SLC39A14: variants seen among roughly 807,000 people sequenced by gnomAD.
SLC39A14 encodes solute carrier family 39 member 14.
A neutral mutation model predicts 45.5 loss-of-function variants in SLC39A14; 19 were observed. The observed-to-expected ratio is 0.42, with a 90% CI of 0.29 to 0.61. SLC39A14 has a LOEUF of 0.61. Among genes scored for constraint, SLC39A14 ranks in the 20% least tolerant of loss-of-function variants. The pLI, the probability that SLC39A14 is intolerant of heterozygous loss-of-function variation, is 0.22. For missense variants in SLC39A14, 447 were observed against 616.5 expected, an observed-to-expected ratio of 0.73 and a Z score of 2.91; for synonymous variants, 264 against 251.3, an observed-to-expected ratio of 1.05 and a Z score of -0.48.
intron 1 of SLC39A14, among the ~76,000 whole-genome samples, chr8:22,378,248 G>A (rs1833317637): frequency 6.6e-6 from 1 of 152,178 alleles, no homozygotes; most frequent in South Asian, 2.1e-4. Context: ...TATCAGAGCA[G>A]GCAAGTGTGT....
intron 4 of SLC39A14, among the ~76,000 whole-genome samples, chr8:22,413,899 C>T (rs1358475214): frequency 5.9e-5 from 9 of 152,148 alleles, no homozygotes; most frequent in East Asian, 1.9e-4. Context: ...CTCACACTCC[C>T]GAGTAGCTGG....
rs1015060674 is a variant in SLC39A14 at position 22,419,850 on chromosome 8, G to A, written c.*152G>A. On this transcript the variant is annotated 3_prime_UTR_variant, in exon 9 of 9. Transcript: ENST00000381237. ...TCCTGCATTCAAATGTCAGCCGTTTGTAAAATGCTGTATCCTAGGAATAAG... is the reference window on the plus strand; with the variant it reads ...TCCTGCATTCAAATGTCAGCCGTTTATAAAATGCTGTATCCTAGGAATAAG... 7.3e-7 allele frequency: 1 copy of A among 1,361,036 alleles called. No homozygotes were observed. Among genetic ancestry groups the A allele is most frequent in the Non-Finnish European group, 9.4e-7 (1 of 1,059,692 alleles). 84.3% of individuals were successfully genotyped at this position (1,361,036 alleles called of 1,614,324 possible).
At chr8:22,394,335 T>C (rs1455789414) in intron 1 of SLC39A14, among the ~76,000 whole-genome samples, 1 of 150,378 alleles carries the variant, frequency 6.6e-6, no homozygotes, top group Non-Finnish European at 1.5e-5. Flanking sequence ...GTCTTTTTTT[T>C]TTTTTTTGAG....
chr8:22,403,325 GC>G (rs971975321), intron 1 of SLC39A14, among the ~76,000 whole-genome samples: 2 of 150,526 alleles, frequency 1.3e-5, no homozygotes, highest in Non-Finnish European at 2.9e-5. Context: ...TGTCGCCCAG[GC>G]TGGAGTGCAA....
intron 1 of SLC39A14, among the ~76,000 whole-genome samples, chr8:22,378,253 G>A (rs142605200): frequency 6.6e-6 from 1 of 152,290 alleles, no homozygotes; most frequent in African/African-American, 2.4e-5. Context: ...GAGCAGGCAA[G>A]TGTGTTAGTA....
chr8:22,423,261 A>T (rs1183757321), downstream of SLC39A14, among the ~76,000 whole-genome samples: 1 of 152,012 alleles, frequency 6.6e-6, no homozygotes, highest in Non-Finnish European at 1.5e-5. Flanking sequence ...CTCATGCCTC[A>T]GCTTCCTAAG....
At chr8:22,409,508 G>C (rs1307496032) in intron 3 of SLC39A14, among the ~76,000 whole-genome samples, 1 of 152,050 alleles carries the variant, frequency 6.6e-6, no homozygotes, top group African/African-American at 2.4e-5. Flanking sequence ...TCAGCCTCCT[G>C]AGTAGCTGGG....
At chr8:22,390,654 AT>A (rs930519814) in intron 1 of SLC39A14, 1 of 171,296 alleles carries the variant, frequency 5.8e-6, no homozygotes, top group Non-Finnish European at 1.3e-5. Flanking sequence ...TGTGTTCGTC[AT>A]TTGGTCAAAT....
chr8:22,385,860 A>G (rs1833763927), intron 1 of SLC39A14, among the ~76,000 whole-genome samples: 1 of 152,208 alleles, frequency 6.6e-6, no homozygotes, highest in South Asian at 2.1e-4. Context: ...AATTAGAATG[A>G]AAAAGATTTT....
At chr8:22,372,552 C>G (rs917291905) in intron 1 of SLC39A14, among the ~76,000 whole-genome samples, 1 of 152,134 alleles carries the variant, frequency 6.6e-6, no homozygotes, top group African/African-American at 2.4e-5. Context: ...AAGGTTAAAT[C>G]TGTTAATTAG....
chr8:22,418,953 C>T (rs1290180700), intron 8 of SLC39A14, among the ~76,000 whole-genome samples: 1 of 151,790 alleles, frequency 6.6e-6, no homozygotes, highest in Non-Finnish European at 1.5e-5. Flanking sequence ...TGCTCGAGCC[C>T]AGGAGTTTGA....
chr8:22,378,859 T>C (rs1208129742), intron 1 of SLC39A14, among the ~76,000 whole-genome samples: 1 of 152,088 alleles, frequency 6.6e-6, no homozygotes, highest in Non-Finnish European at 1.5e-5. Flanking sequence ...CATGATCAGG[T>C]CTTAATTCTG....
chr8:22,408,792 G>A lies in SLC39A14; in HGVS notation c.457+296G>A, dbSNP rs907348853. On this transcript the variant is annotated intron_variant, in intron 3 of 8. Coordinates refer to ENST00000381237, the MANE Select transcript of SLC39A14 (RefSeq NM_001128431.4). Reference sequence around the variant, plus strand: ...TGCTTTTTGTTTCATGTTGAACCACGGGGGCCCAACCCTTTGGCTTTTTTA... The same window carrying A: ...TGCTTTTTGTTTCATGTTGAACCACAGGGGCCCAACCCTTTGGCTTTTTTA... 6.6e-5 allele frequency among the ~76,000 whole-genome samples: 10 copies of A among 151,780 alleles called. 1 individual carries two copies. In the South Asian group the frequency reaches 8.3e-4, roughly 13 times the overall value.
At chr8:22,427,353 T>G (rs1201765590), downstream of SLC39A14, among the ~76,000 whole-genome samples, 1 of 152,086 alleles carries the variant, frequency 6.6e-6, no homozygotes, top group Non-Finnish European at 1.5e-5. Flanking sequence ...TTTAAATGCA[T>G]CAAAATCAAA....
At chr8:22,415,546 T>G (rs1056896731) in intron 5 of SLC39A14, 2 of 472,754 alleles carry the variant, frequency 4.2e-6, no homozygotes, top group Non-Finnish European at 7.4e-6. Context: ...TCCTCCCACC[T>G]CGGCCTCCCA....
At chr8:22,383,356 C>T (rs568065560) in intron 1 of SLC39A14, among the ~76,000 whole-genome samples, 2 of 152,290 alleles carry the variant, frequency 1.3e-5, no homozygotes, top group South Asian at 2.1e-4. Flanking sequence ...ACCTCATCCA[C>T]CCGCACAGGG....
Position 22,421,139 on chromosome 8 carries a change from G to T in SLC39A14, c.*1441G>T. The T allele has an allele frequency of 1.0e-6, 1 of 985,850 alleles. No individual in the cohort carries two copies. Among genetic ancestry groups the T allele is most frequent in the Non-Finnish European group, 1.2e-6 (1 of 829,930 alleles). 61.1% of individuals were successfully genotyped at this position (985,850 alleles called of 1,614,324 possible). On this transcript the variant is annotated 3_prime_UTR_variant, in exon 9 of 9. Transcript: ENST00000381237. ...CTTTGGGGAGCCTGTCTCTCCAGAA[G>T]CCTTTCTTAGTGGTGCCCACAGTTG...
At chr8:22,368,261 C>G (rs997835781) in intron 1 of SLC39A14, among the ~76,000 whole-genome samples, 1 of 152,112 alleles carries the variant, frequency 6.6e-6, no homozygotes, top group African/African-American at 2.4e-5. Context: ...ACCCTTCTTC[C>G]TGGAGCAAGC....
At chr8:22,374,740 CTTTTTTTTTTTTT>C (rs67116858) in intron 1 of SLC39A14, among the ~76,000 whole-genome samples, 1 of 104,038 alleles carries the variant, frequency 9.6e-6, no homozygotes, top group Non-Finnish European at 1.9e-5. Flanking sequence ...CCAGCCTGCT[CTTTTTTTTTTTTT>C]TTTTTTTTTT....
Sources: allele counts gnomAD v4.1 joint callset (sites outside exome capture counted in the v4.1 genomes callset), GRCh38; gene constraint gnomAD v4.1.1; transcripts MANE v1.5; gene names NCBI Gene and HGNC (gene_info 2026-07-23, HGNC 2026-07-21).